Variants in AGAP1 observed in about 807,000 individuals in gnomAD.
AGAP1 encodes ArfGAP with GTPase domain, ankyrin repeat and PH domain 1.
AGAP1 carries 29 observed loss-of-function variants against 105.3 expected under a neutral mutation model. The observed-to-expected ratio is 0.28, with a 90% CI of 0.21 to 0.38. AGAP1 has a LOEUF of 0.38. AGAP1 is among the 10% of genes least tolerant of loss of function. The probability of loss-of-function intolerance (pLI) is 1.00; values close to 1 mark genes in which losing one functional copy is unlikely to be tolerated. For synonymous variants in AGAP1, 509 were observed against 485.9 expected, an observed-to-expected ratio of 1.05 and a Z score of -0.63; for missense variants, 998 against 1,165.1, an observed-to-expected ratio of 0.86 and a Z score of 2.09.
chr2:235,983,764 T>C lies in AGAP1; in HGVS notation c.1645+15141T>C, dbSNP rs2055190749. On this transcript the variant is annotated intron_variant, in intron 13 of 17. Coordinates refer to ENST00000304032, the MANE Select transcript of AGAP1 (RefSeq NM_001037131.3). This position sits in a 1 kb window ranked among gnomAD's most constrained non-coding sequence, Gnocchi z 4.5. ...GGTTTATGCCCTGGGAGCAATAGGC[T>C]CTGCACATAGCCTGAGTGTGTGGTA... Among the ~76,000 whole-genome samples, 1 of 152,210 alleles carries C rather than the reference T, an allele frequency of 6.6e-6. No individual in the cohort carries two copies. Among genetic ancestry groups the C allele is most frequent in the African/African-American group, 2.4e-5 (1 of 41,458 alleles).
At chr2:235,644,325 C>T (rs748145879) in intron 1 of AGAP1, among the ~76,000 whole-genome samples, 24 of 152,326 alleles carry the variant, frequency 1.6e-4, no homozygotes, top group Admixed American at 3.3e-4. Flanking sequence ...ATCTCTGTCC[C>T]GTTCACTGTC....
intron 11 of AGAP1, among the ~76,000 whole-genome samples, chr2:235,913,226 TTTA>T (rs2051704620): frequency 6.6e-6 from 1 of 152,176 alleles, no homozygotes; most frequent in Non-Finnish European, 1.5e-5. Context: ...AAGTTTTAAT[TTTA>T]TTGTTTTTTT....
At chr2:235,671,008 C>T (rs1015075393) in intron 1 of AGAP1, 2 of 1,322,878 alleles carry the variant, frequency 1.5e-6, no homozygotes, top group Non-Finnish European at 1.9e-6. Context: ...GGGCCCCGGC[C>T]GAAGCGCACT....
chr2:235,985,809 G>T (rs2055289747), intron 13 of AGAP1, among the ~76,000 whole-genome samples: 2 of 152,122 alleles, frequency 1.3e-5, no homozygotes, highest in African/African-American at 4.8e-5. Flanking sequence ...TGAGGTCTCT[G>T]TTCTGCTCCA....
intron 6 of AGAP1, among the ~76,000 whole-genome samples, chr2:235,780,742 C>G (rs548460514): frequency 1.3e-5 from 2 of 152,156 alleles, no homozygotes; most frequent in Admixed American, 6.5e-5. Context: ...TAAAGGAAAA[C>G]TTTTAGATTT....
At chr2:236,107,799 G>A (rs2059538511) in intron 16 of AGAP1, among the ~76,000 whole-genome samples, 1 of 152,222 alleles carries the variant, frequency 6.6e-6, no homozygotes, top group Non-Finnish European at 1.5e-5. Context: ...GCCTGCACCT[G>A]CCGGGGGATC....
chr2:235,847,928 T>C (rs563584673), intron 9 of AGAP1, among the ~76,000 whole-genome samples: 1 of 152,318 alleles, frequency 6.6e-6, no homozygotes, highest in East Asian at 1.9e-4. Context: ...GGTTATAAAG[T>C]CCTATGTTTT....
intron 1 of AGAP1, among the ~76,000 whole-genome samples, chr2:235,545,109 G>T (rs1943580615): frequency 6.6e-6 from 1 of 152,128 alleles, no homozygotes; most frequent in Non-Finnish European, 1.5e-5. Flanking sequence ...TGGTCTGTTA[G>T]CGGAAATATG....
chr2:235,944,721 C>A (rs141359250), intron 12 of AGAP1, among the ~76,000 whole-genome samples: 2 of 152,228 alleles, frequency 1.3e-5, no homozygotes, highest in African/African-American at 2.4e-5. Flanking sequence ...GGGGGTGGTA[C>A]GAGGGGAACT....
chr2:235,519,727 G>C (rs534671803), intron 1 of AGAP1, among the ~76,000 whole-genome samples: 1 of 152,212 alleles, frequency 6.6e-6, no homozygotes, highest in South Asian at 2.1e-4. Flanking sequence ...CCCTCAACCA[G>C]CTTCAGTAAT....
intron 15 of AGAP1, among the ~76,000 whole-genome samples, chr2:236,048,708 C>A (rs1008354460): frequency 2.6e-5 from 4 of 152,174 alleles, no homozygotes; most frequent in Non-Finnish European, 4.4e-5. Context: ...CAGTGGATGC[C>A]GAGTCACACG....
intron 1 of AGAP1, among the ~76,000 whole-genome samples, chr2:235,576,377 ACTCAG>A: frequency 6.6e-6 from 1 of 151,960 alleles, no homozygotes; most frequent in East Asian, 1.9e-4. Context: ...TGTGTGTTGT[ACTCAG>A]CACGTGCTTC....
intron 1 of AGAP1, among the ~76,000 whole-genome samples, chr2:235,605,569 C>T (rs996157747): frequency 2.6e-5 from 4 of 152,184 alleles, no homozygotes; most frequent in African/African-American, 4.8e-5. Context: ...GGGTCCCTAA[C>T]GGCTGGAAAC....
In AGAP1 at chr2:235,566,517, A is replaced by T; in HGVS notation, c.163+71668A>T. 3 of 936,736 alleles carry T rather than the reference A, an allele frequency of 3.2e-6. No homozygotes were observed. The highest frequency in any genetic ancestry group is 3.8e-6 in the Non-Finnish European group (3 of 785,522). 58.0% of individuals were successfully genotyped at this position (936,736 alleles called of 1,614,324 possible). A position where few individuals can be genotyped will look rare whatever the true frequency, so the allele number is the denominator to read the frequency against. On this transcript the variant is annotated intron_variant, in intron 1 of 17. Coordinates refer to ENST00000304032, the MANE Select transcript of AGAP1 (RefSeq NM_001037131.3). The surrounding 1 kb of genome is among the most constrained non-coding windows in gnomAD (Gnocchi z 5.2). ...GCATTCATAAACAGTGAAAAGCACA[A>T]ATCATCAGTGCGCCGTACGTTTTGG...
chr2:235,592,326 G>T (rs1945373451), intron 1 of AGAP1, among the ~76,000 whole-genome samples: 1 of 148,492 alleles, frequency 6.7e-6, no homozygotes, highest in Non-Finnish European at 1.5e-5. Context: ...GAGCAGGATG[G>T]TGAAGGAGGA....
intron 1 of AGAP1, among the ~76,000 whole-genome samples, chr2:235,602,914 C>T (rs1319805718): frequency 6.6e-6 from 1 of 152,150 alleles, no homozygotes; most frequent in Non-Finnish European, 1.5e-5. Context: ...ATTGGTCAGG[C>T]AGGTCTTGAA....
intron 13 of AGAP1, among the ~76,000 whole-genome samples, chr2:236,030,604 C>G (rs1576113760): frequency 6.6e-6 from 1 of 152,170 alleles, no homozygotes; most frequent in Non-Finnish European, 1.5e-5. Context: ...GTTTTTAGCA[C>G]TTTAGGCTCA....
At chr2:235,547,708 G>A (rs1943672533) in intron 1 of AGAP1, among the ~76,000 whole-genome samples, 1 of 152,196 alleles carries the variant, frequency 6.6e-6, no homozygotes, top group African/African-American at 2.4e-5. Context: ...GGCCAGGCTG[G>A]TCTCGAACTC....
chr2:236,036,754 C>T lies in AGAP1; in HGVS notation c.1800+39C>T. On this transcript the variant is annotated intron_variant, in intron 14 of 17. Transcript: ENST00000304032. This position sits in a 1 kb window ranked among gnomAD's most constrained non-coding sequence, Gnocchi z 5.7. ...CTGCCCAAAACCAAGGCTGGGGCTG[C>T]TCAGGGGGAGTGCGGGCCCCAAGTA... 1 of 1,611,728 alleles carries T rather than the reference C, an allele frequency of 6.2e-7. No individual in the cohort carries two copies. The highest frequency in any genetic ancestry group is 8.5e-7 in the Non-Finnish European group (1 of 1,179,206).
Sources: gnomAD v4.1 joint callset for allele counts (sites outside exome capture counted in the v4.1 genomes callset) on GRCh38, gnomAD v4.1.1 for gene constraint, Gnocchi (gnomAD v3.1) non-coding constraint, MANE v1.5 for transcripts, NCBI Gene and HGNC (gene_info 2026-07-23, HGNC 2026-07-21) for gene names.